Variants in B3GALT1 observed in about 807,000 individuals in gnomAD.
The protein encoded by B3GALT1 is beta-1,3-galactosyltransferase 1.
A neutral mutation model predicts 23.2 loss-of-function variants in B3GALT1; 10 were observed. That is an observed-to-expected ratio of 0.43 (90% CI 0.27 to 0.73). The LOEUF (loss-of-function observed/expected upper bound fraction) is 0.73, where lower values mean the gene tolerates loss of function less well. Ranked by LOEUF, B3GALT1 falls within the 30% of genes least tolerant of loss-of-function variation. B3GALT1 has a pLI of 0.21. For missense variants in B3GALT1, 299 were observed against 405.4 expected (o/e 0.74, Z 2.25); for synonymous variants, 156 against 141.5 (o/e 1.10, Z -0.73).
intron 1 of B3GALT1, among the ~76,000 whole-genome samples, chr2:167,320,512 C>G (rs1320913968): frequency 1.3e-5 from 2 of 151,970 alleles, no homozygotes; most frequent in Non-Finnish European, 2.9e-5. Flanking sequence ...AAGACTCTGC[C>G]TCTGGTGGTC....
At chr2:167,453,391 C>T (rs563045548) in intron 1 of B3GALT1, among the ~76,000 whole-genome samples, 166 of 152,302 alleles carry the variant, frequency 1.1e-3, no homozygotes, top group African/African-American at 3.8e-3. Context: ...TTATAATTCT[C>T]TTTATTCCCA....
intron 2 of B3GALT1, among the ~76,000 whole-genome samples, chr2:167,587,380 A>G (rs1433639711): frequency 6.6e-6 from 1 of 152,232 alleles, no homozygotes; most frequent in South Asian, 2.1e-4. Flanking sequence ...CAAATTAAAT[A>G]TACTCATTAA....
At chr2:167,415,547 G>A (rs1446131983) in intron 1 of B3GALT1, among the ~76,000 whole-genome samples, 1 of 152,190 alleles carries the variant, frequency 6.6e-6, no homozygotes, top group Non-Finnish European at 1.5e-5. Flanking sequence ...AGCAGCTTTG[G>A]AACTGGGTAA....
At chr2:167,510,168 T>G (rs986078296) in intron 2 of B3GALT1, among the ~76,000 whole-genome samples, 1 of 152,172 alleles carries the variant, frequency 6.6e-6, no homozygotes, top group Non-Finnish European at 1.5e-5. Flanking sequence ...CCAAGCATTC[T>G]TCCCTTTGAA....
At chr2:167,427,666 AG>A (rs1698643651) in intron 1 of B3GALT1, among the ~76,000 whole-genome samples, 1 of 152,162 alleles carries the variant, frequency 6.6e-6, no homozygotes, top group Admixed American at 6.5e-5. Context: ...CCTCCTGAAT[AG>A]TGAGGACTAC....
chr2:167,513,816 A>T (rs1700062916), intron 2 of B3GALT1, among the ~76,000 whole-genome samples: 1 of 152,174 alleles, frequency 6.6e-6, no homozygotes, highest in Non-Finnish European at 1.5e-5. Context: ...TTACAGATGT[A>T]CACTCTTCAG....
chr2:167,404,138 C>T (rs1698237991), intron 1 of B3GALT1, among the ~76,000 whole-genome samples: 1 of 151,954 alleles, frequency 6.6e-6, no homozygotes, highest in African/African-American at 2.4e-5. Flanking sequence ...GGTGGAGAGC[C>T]AGTGTTTGAG....
chr2:167,867,036 C>T (rs768821506), intron 4 of B3GALT1, among the ~76,000 whole-genome samples: 4 of 152,046 alleles, frequency 2.6e-5, no homozygotes, highest in Non-Finnish European at 5.9e-5. Flanking sequence ...AGGCCATTCT[C>T]CTGCCTCAGC....
chr2:167,464,933 TA>T (rs1401307731), intron 1 of B3GALT1, among the ~76,000 whole-genome samples: 1 of 152,206 alleles, frequency 6.6e-6, no homozygotes, highest in Non-Finnish European at 1.5e-5. Flanking sequence ...AATAAGATGC[TA>T]GTTTAAAGTA....
intron 2 of B3GALT1, among the ~76,000 whole-genome samples, chr2:167,634,766 C>A (rs2105450286): frequency 6.6e-6 from 1 of 152,164 alleles, no homozygotes; most frequent in Admixed American, 6.5e-5. Flanking sequence ...CTAATTCTAC[C>A]AAAGGTACAA....
chr2:167,407,141 T>C (rs1698293602), intron 1 of B3GALT1, among the ~76,000 whole-genome samples: 1 of 152,174 alleles, frequency 6.6e-6, no homozygotes, highest in Non-Finnish European at 1.5e-5. Flanking sequence ...ATATCAAGCA[T>C]CTTTTCTGAA....
intron 3 of B3GALT1, among the ~76,000 whole-genome samples, chr2:167,693,037 G>A (rs568403116): frequency 6.6e-6 from 1 of 151,934 alleles, no homozygotes; most frequent in Admixed American, 6.6e-5. Context: ...GAGGAAGCAA[G>A]AGCAACATTA....
chr2:167,843,769 T>C (rs992824888), intron 4 of B3GALT1, among the ~76,000 whole-genome samples: 1 of 152,174 alleles, frequency 6.6e-6, no homozygotes, highest in African/African-American at 2.4e-5. Flanking sequence ...TCTGAAATAT[T>C]AGTGGCCTGG....
At chr2:167,739,181 G>A (rs1687536907) in intron 3 of B3GALT1, among the ~76,000 whole-genome samples, 3 of 152,172 alleles carry the variant, frequency 2.0e-5, no homozygotes, top group Admixed American at 2.0e-4. Flanking sequence ...CCTGTTGAAT[G>A]GGGAGATTTT....
chr2:167,501,361 A>AT (rs1329789213), intron 2 of B3GALT1, among the ~76,000 whole-genome samples: 1 of 151,998 alleles, frequency 6.6e-6, no homozygotes, highest in Non-Finnish European at 1.5e-5. Context: ...TCACTTTATA[A>AT]TTTTAAATAA....
chr2:167,652,629 TTA>T (rs1462540274), intron 3 of B3GALT1, among the ~76,000 whole-genome samples: 1 of 152,120 alleles, frequency 6.6e-6, no homozygotes, highest in Non-Finnish European at 1.5e-5. Context: ...TTTAAATGAT[TTA>T]TCTCTGCTTA....
At chr2:167,548,853 A>G (rs1054870889) in intron 2 of B3GALT1, among the ~76,000 whole-genome samples, 2 of 151,844 alleles carry the variant, frequency 1.3e-5, no homozygotes, top group Non-Finnish European at 2.9e-5. Flanking sequence ...AAAGAACTTG[A>G]GTTGTCTTTT....
chr2:167,298,352 C>G (rs1406219198), intron 1 of B3GALT1, among the ~76,000 whole-genome samples: 1 of 152,030 alleles, frequency 6.6e-6, no homozygotes, highest in African/African-American at 2.4e-5. Context: ...TTAAACAGTT[C>G]TACATTTTGT....
At chr2:167,636,081 A>G (rs1017652672) in intron 2 of B3GALT1, among the ~76,000 whole-genome samples, 1 of 151,366 alleles carries the variant, frequency 6.6e-6, no homozygotes, top group Non-Finnish European at 1.5e-5. Flanking sequence ...ACAAAAACCT[A>G]CCTCATCTTT....
Sources: allele counts gnomAD v4.1 joint callset (sites outside exome capture counted in the v4.1 genomes callset), GRCh38; gene constraint gnomAD v4.1.1; transcripts MANE v1.5; gene names NCBI Gene and HGNC (gene_info 2026-07-23, HGNC 2026-07-21).